The following PDE1C variants were observed in gnomAD, a reference collection of about 807,000 sequenced individuals.
PDE1C encodes dual specificity calcium/calmodulin-dependent 3',5'-cyclic nucleotide phosphodiesterase 1C.
Under a neutral mutation model 93.1 loss-of-function variants are expected in PDE1C, and 62 were observed. The ratio of observed to expected loss-of-function variants is 0.67; its 90% confidence interval spans 0.54 to 0.82. The LOEUF (loss-of-function observed/expected upper bound fraction) is 0.82, where lower values mean the gene tolerates loss of function less well. PDE1C is among the 40% of genes least tolerant of loss of function. PDE1C has a pLI of 0.00. For synonymous variants in PDE1C, 325 were observed against 310.1 expected (o/e 1.05, Z -0.50); for missense variants, 742 against 884.6 (o/e 0.84, Z 2.04).
chr7:32,160,782 C>T (rs1474992060), intron 3 of PDE1C, among the ~76,000 whole-genome samples: 2 of 151,802 alleles, frequency 1.3e-5, no homozygotes, highest in Non-Finnish European at 2.9e-5. Flanking sequence ...AGCACTCCAG[C>T]CTGGGTGACA....
At chr7:32,186,513 G>A (rs558853832) in intron 2 of PDE1C, among the ~76,000 whole-genome samples, 11 of 152,096 alleles carry the variant, frequency 7.2e-5, no homozygotes, top group Non-Finnish European at 1.6e-4. Flanking sequence ...TTTCCCAGAA[G>A]TTGTCTATTT....
rs544527586 is a variant in PDE1C at position 32,392,636 on chromosome 7, T to C, written c.310+35186A>G. Among the ~76,000 whole-genome samples the C allele has an allele frequency of 7.9e-5, 12 of 152,242 alleles. 1 individual carries two copies. In the South Asian group the frequency reaches 2.5e-3, roughly 32 times the overall value. Reference sequence around the variant, plus strand: ...CTAGGAATGCAAGATTAGTTTCACATGTGAAAAATCAATTAATGTAGTATG... The same window carrying C: ...CTAGGAATGCAAGATTAGTTTCACACGTGAAAAATCAATTAATGTAGTATG... On this transcript the variant is annotated intron_variant, in intron 1 of 1. Coordinates refer to the PDE1C transcript ENST00000672256.
At chr7:32,042,366 G>A (rs1791942554) in intron 2 of PDE1C, among the ~76,000 whole-genome samples, 1 of 152,100 alleles carries the variant, frequency 6.6e-6, no homozygotes, top group Non-Finnish European at 1.5e-5. Context: ...AAGAACTCAA[G>A]AAACTTTCAG....
intron 1 of PDE1C, among the ~76,000 whole-genome samples, chr7:32,379,644 C>T (rs988183557): frequency 6.6e-6 from 1 of 152,216 alleles, no homozygotes; most frequent in Non-Finnish European, 1.5e-5. Flanking sequence ...TGACAAACCA[C>T]TGCTGGCTGA....
At chr7:31,891,185 T>C (rs117384804) in intron 2 of PDE1C, among the ~76,000 whole-genome samples, 1 of 152,330 alleles carries the variant, frequency 6.6e-6, no homozygotes, top group Non-Finnish European at 1.5e-5. Flanking sequence ...GAGGTTTTTA[T>C]GAACCAGACT....
chr7:31,808,317 T>C, intron 16 of PDE1C: 1 of 331,634 alleles, frequency 3.0e-6, no homozygotes. Flanking sequence ...ATGATGTCTG[T>C]GTATGAGGGG....
intron 7 of PDE1C, among the ~76,000 whole-genome samples, chr7:31,855,391 T>C (rs551357157): frequency 2.0e-5 from 3 of 152,242 alleles, no homozygotes; most frequent in African/African-American, 4.8e-5. Context: ...TGTGATTACA[T>C]TGGGCCCACC....
At chr7:31,624,969 A>T in the PDE1C span, among the ~76,000 whole-genome samples, 1 of 152,266 alleles carries the variant, frequency 6.6e-6, no homozygotes, top group Non-Finnish European at 1.5e-5. Flanking sequence ...AAAGGACATG[A>T]ATAGACACTT....
the PDE1C span, among the ~76,000 whole-genome samples, chr7:31,636,726 A>T: frequency 0.95 from 142,695 of 149,530 alleles, 67,971 homozygotes; most frequent in East Asian, 1. Context: ...TTTTTTTTTT[A>T]AAAATTTTAT....
chr7:32,374,300 AAAGAAAG>A (rs1784396522), intron 1 of PDE1C, among the ~76,000 whole-genome samples: 1 of 149,066 alleles, frequency 6.7e-6, no homozygotes, highest in Non-Finnish European at 1.5e-5. Context: ...AGAAAGAAAG[AAAGAAAG>A]AAGAAAAGAA....
At chr7:31,784,271 T>C (rs1783688154) in intron 16 of PDE1C, 1 of 152,102 alleles carries the variant, frequency 6.6e-6, no homozygotes, top group South Asian at 2.1e-4. Context: ...GTGCTACGCA[T>C]CCTAAAGAGA....
At chr7:32,286,969 G>A (rs915490684) in intron 1 of PDE1C, among the ~76,000 whole-genome samples, 2 of 152,138 alleles carry the variant, frequency 1.3e-5, no homozygotes, top group East Asian at 1.9e-4. Context: ...TACTGCTCTG[G>A]CAGCCTAAAA....
the PDE1C span, among the ~76,000 whole-genome samples, chr7:31,714,704 A>G: frequency 6.6e-6 from 1 of 152,232 alleles, no homozygotes; most frequent in African/African-American, 2.4e-5. Context: ...GGATGGCCGC[A>G]GGCAAAGAGA....
intron 1 of PDE1C, among the ~76,000 whole-genome samples, chr7:32,412,836 C>T (rs1034150332): frequency 2.0e-5 from 3 of 152,114 alleles, no homozygotes; most frequent in African/African-American, 7.2e-5. Flanking sequence ...AAAGCTTGCA[C>T]AATAGCATTT....
At chr7:32,340,538 C>T (rs717757) in intron 1 of PDE1C, among the ~76,000 whole-genome samples, 126,244 of 152,158 alleles carry the variant, frequency 0.83, 52,641 homozygotes, top group Admixed American at 0.88. Context: ...GAATTTGTAT[C>T]TTATTGTAAG....
chr7:32,325,397 T>C (rs771194640), intron 1 of PDE1C, among the ~76,000 whole-genome samples: 1 of 152,172 alleles, frequency 6.6e-6, no homozygotes, highest in Non-Finnish European at 1.5e-5. Context: ...CCCACAGTGC[T>C]GTCTCCCTCT....
At chr7:32,144,144 T>C (rs2128782890) in intron 3 of PDE1C, among the ~76,000 whole-genome samples, 1 of 152,266 alleles carries the variant, frequency 6.6e-6, no homozygotes, top group African/African-American at 2.4e-5. Flanking sequence ...GAACTCATGG[T>C]GACTTAAGCA....
At chr7:31,992,384 C>CAGGGAAAGGTGGGTTCAAAG (rs1294670688) in intron 2 of PDE1C, among the ~76,000 whole-genome samples, 7 of 152,164 alleles carry the variant, frequency 4.6e-5, no homozygotes, top group Non-Finnish European at 8.8e-5. Flanking sequence ...CCTTGGACAT[C>CAGGGAAAGGTGGGTTCAAAG]AGGGAAAGGT....
At chr7:32,367,198 G>A (rs547762235) in intron 1 of PDE1C, among the ~76,000 whole-genome samples, 2 of 152,228 alleles carry the variant, frequency 1.3e-5, no homozygotes, top group South Asian at 4.2e-4. Context: ...TCCTACAACT[G>A]GAAGTCATTG....
Sources: gnomAD v4.1 joint callset for allele counts (sites outside exome capture counted in the v4.1 genomes callset) on GRCh38, gnomAD v4.1.1 for gene constraint, MANE v1.5 for transcripts, NCBI Gene and HGNC (gene_info 2026-07-23, HGNC 2026-07-21) for gene names.